The following CSGALNACT1 variants were observed in gnomAD, a reference collection of about 807,000 sequenced individuals.
The protein encoded by CSGALNACT1 is beta4GalNAcT-1.
Under a neutral mutation model 51.0 loss-of-function variants are expected in CSGALNACT1, and 52 were observed. That is an observed-to-expected ratio of 1.02 (90% CI 0.82 to 1.29). The LOEUF (loss-of-function observed/expected upper bound fraction) is 1.29, where lower values mean the gene tolerates loss of function less well. Ranked by LOEUF, CSGALNACT1 falls within the 50% of genes most tolerant of loss-of-function variation. The pLI, the probability that CSGALNACT1 is intolerant of heterozygous loss-of-function variation, is 0.00. For synonymous variants in CSGALNACT1, 341 were observed against 254.4 expected, an observed-to-expected ratio of 1.34 and a Z score of -3.24; for missense variants, 935 against 679.2, an observed-to-expected ratio of 1.38 and a Z score of -4.19.
intron 1 of CSGALNACT1, among the ~76,000 whole-genome samples, chr8:19,753,863 C>G (rs950481873): frequency 6.6e-6 from 1 of 152,066 alleles, no homozygotes; most frequent in Non-Finnish European, 1.5e-5. Context: ...AAAACACAAA[C>G]AAATAAAAAC....
intron 6 of CSGALNACT1, among the ~76,000 whole-genome samples, chr8:19,422,056 C>T (rs926777273): frequency 6.6e-6 from 1 of 152,122 alleles, no homozygotes; most frequent in Admixed American, 6.5e-5. Flanking sequence ...AGTCACTCTA[C>T]CCCTTTTGTC....
chr8:19,674,427 A>AG (rs1046092872), intron 1 of CSGALNACT1, among the ~76,000 whole-genome samples: 2 of 152,012 alleles, frequency 1.3e-5, no homozygotes, highest in African/African-American at 4.8e-5. Context: ...ATATGGTGGC[A>AG]GGGGGGAAGA....
intron 1 of CSGALNACT1, among the ~76,000 whole-genome samples, chr8:19,697,884 C>T (rs367757506): frequency 5.3e-5 from 8 of 152,170 alleles, no homozygotes; most frequent in East Asian, 1.9e-4. Context: ...GTGAGAAATA[C>T]GACTGCAAAA....
chr8:19,686,020 C>A (rs1301973286), upstream of CSGALNACT1, among the ~76,000 whole-genome samples: 2 of 152,194 alleles, frequency 1.3e-5, no homozygotes, highest in African/African-American at 4.8e-5. Context: ...GTGACGTGTT[C>A]CTCAAGTAGG....
chr8:19,666,078 T>C (rs2059152988), intron 1 of CSGALNACT1, among the ~76,000 whole-genome samples: 1 of 152,338 alleles, frequency 6.6e-6, no homozygotes, highest in East Asian at 1.9e-4. Flanking sequence ...AAGTTGTTTG[T>C]CTAGTTTAAA....
chr8:19,712,024 C>A (rs2062537839), intron 1 of CSGALNACT1, among the ~76,000 whole-genome samples: 1 of 152,016 alleles, frequency 6.6e-6, no homozygotes. Flanking sequence ...GAACTCAGAG[C>A]TCTTTTATTT....
rs901335326 is a variant in CSGALNACT1, at chr8:19,581,605, A to AAAAAC, written c.-297+9550_-297+9554dup. On this transcript the variant is annotated intron_variant, in intron 3 of 9. Transcript: ENST00000454498. ...CTGGTGACAGAGTGAGACTCTGTCT[A>AAAAAC]AAAACAAAACAAAACAAAACAAAAA... 2.6e-5 allele frequency among the ~76,000 whole-genome samples: 4 copies of AAAAAC among 152,154 alleles called. No individual in the cohort carries two copies. In the South Asian group the frequency reaches 6.2e-4, roughly 24 times the overall value.
At chr8:19,726,846 G>T (rs2063428606) in intron 1 of CSGALNACT1, among the ~76,000 whole-genome samples, 1 of 152,190 alleles carries the variant, frequency 6.6e-6, no homozygotes, top group Non-Finnish European at 1.5e-5. Context: ...TTCAACAAAA[G>T]GGGTTTTATT....
At chr8:19,591,366 A>C (rs1234859929) in intron 2 of CSGALNACT1, 2 of 152,230 alleles carry the variant, frequency 1.3e-5, no homozygotes, top group Non-Finnish European at 2.9e-5. Context: ...TTCAATTTTC[A>C]TTTTAAACTT....
intron 2 of CSGALNACT1, among the ~76,000 whole-genome samples, chr8:19,600,917 T>C (rs1290165798): frequency 6.6e-6 from 1 of 152,002 alleles, no homozygotes; most frequent in African/African-American, 2.4e-5. Flanking sequence ...TCTGAAGATA[T>C]GTATATGCTG....
intron 1 of CSGALNACT1, among the ~76,000 whole-genome samples, chr8:19,671,958 C>G (rs2059825546): frequency 1.3e-5 from 2 of 152,162 alleles, no homozygotes; most frequent in Non-Finnish European, 2.9e-5. Flanking sequence ...AACTGTTCTA[C>G]TCATTGGGGC....
At chr8:19,504,310 T>G (rs1207053313) in intron 4 of CSGALNACT1, among the ~76,000 whole-genome samples, 2 of 152,136 alleles carry the variant, frequency 1.3e-5, no homozygotes, top group Non-Finnish European at 2.9e-5. Context: ...TCTCCCGACC[T>G]CATGATCCGC....
At chr8:19,519,426 A>C (rs1299179420) in intron 3 of CSGALNACT1, among the ~76,000 whole-genome samples, 1 of 148,754 alleles carries the variant, frequency 6.7e-6, no homozygotes, top group East Asian at 1.9e-4. Flanking sequence ...AAAAGTAGAC[A>C]GAGCTTTTCA....
At chr8:19,549,961 G>A (rs1428423324) in intron 3 of CSGALNACT1, among the ~76,000 whole-genome samples, 1 of 152,004 alleles carries the variant, frequency 6.6e-6, no homozygotes. Context: ...ACATTTTTGG[G>A]AAATCTCTTT....
chr8:19,668,740 A>G (rs1466094975), intron 1 of CSGALNACT1, among the ~76,000 whole-genome samples: 1 of 152,022 alleles, frequency 6.6e-6, no homozygotes, highest in Admixed American at 6.6e-5. Flanking sequence ...TTATTAGGAG[A>G]TGGGGTCTCA....
At position 19,757,071 on chromosome 8, in the gene CSGALNACT1, T is replaced by A. The variant is rs2065442934; in HGVS notation, c.-297+779A>T. On this transcript the variant is annotated intron_variant, in intron 1 of 1. Coordinates refer to the CSGALNACT1 transcript ENST00000517494. The surrounding 1 kb of genome is among the most constrained non-coding windows in gnomAD (Gnocchi z 4.0). ...CGCAGCTGCACGAGCCACCCCGAGGTCGCGGGGTGGGCGGGCGCGAGCTAG... is the reference window on the plus strand; with the variant it reads ...CGCAGCTGCACGAGCCACCCCGAGGACGCGGGGTGGGCGGGCGCGAGCTAG... 6.7e-6 allele frequency: 1 copy of A among 150,074 alleles called. No homozygotes were observed. The highest frequency in any genetic ancestry group is 1.5e-5 in the Non-Finnish European group (1 of 67,372). 9.3% of individuals were successfully genotyped at this position (150,074 alleles called of 1,614,324 possible).
chr8:19,634,280 G>T (rs950762512), intron 1 of CSGALNACT1, among the ~76,000 whole-genome samples: 7 of 152,120 alleles, frequency 4.6e-5, no homozygotes, highest in African/African-American at 1.7e-4. Context: ...TAGTGTGATG[G>T]TATTTGAAAA....
intron 4 of CSGALNACT1, among the ~76,000 whole-genome samples, chr8:19,490,709 G>A (rs1031358678): frequency 9.9e-5 from 15 of 152,162 alleles, no homozygotes; most frequent in African/African-American, 3.6e-4. Flanking sequence ...AGGCTTTGCT[G>A]TAACTTCTTC....
chr8:19,469,302 G>A (rs2067512604), intron 4 of CSGALNACT1, among the ~76,000 whole-genome samples: 1 of 152,138 alleles, frequency 6.6e-6, no homozygotes, highest in Admixed American at 6.5e-5. Context: ...CAGGCATGAG[G>A]ATCCCTTGAG....
Sources: gnomAD v4.1 joint callset for allele counts (sites outside exome capture counted in the v4.1 genomes callset) on GRCh38, gnomAD v4.1.1 for gene constraint, Gnocchi (gnomAD v3.1) non-coding constraint, MANE v1.5 for transcripts, NCBI Gene and HGNC (gene_info 2026-07-23, HGNC 2026-07-21) for gene names.